The following IL1RAPL2 variants were observed in gnomAD, a reference collection of about 807,000 sequenced individuals.
IL1RAPL2 encodes X-linked interleukin-1 receptor accessory protein-like 2.
A neutral mutation model predicts 44.1 loss-of-function variants in IL1RAPL2; 3 were observed. That is an observed-to-expected ratio of 0.07 (90% CI 0.03 to 0.18). The LOEUF is 0.18. Among genes scored for constraint, IL1RAPL2 ranks in the 10% least tolerant of loss-of-function variants. IL1RAPL2 has a pLI of 1.00. For missense variants in IL1RAPL2, 391 were observed against 496.4 expected (o/e 0.79, Z 2.02); for synonymous variants, 181 against 178.8 (o/e 1.01, Z -0.10).
intron 5 of IL1RAPL2, among the ~76,000 whole-genome samples, chrX:105,457,360 A>G (rs984998874): frequency 1.3e-4 from 14 of 110,687 alleles, no homozygotes; most frequent in African/African-American, 4.6e-4. Flanking sequence ...CAAATTTTTA[A>G]CCATCTCCAA....
chrX:105,756,652 T>C (rs915842129), intron 10 of IL1RAPL2, among the ~76,000 whole-genome samples: 1 of 112,129 alleles, frequency 8.9e-6, no homozygotes, highest in Admixed American at 9.5e-5. Context: ...TCCACAAATG[T>C]AAGAATTCCC....
chrX:104,843,331 C>G (rs1327174847), intron 2 of IL1RAPL2, among the ~76,000 whole-genome samples: 1 of 111,875 alleles, frequency 8.9e-6, no homozygotes, highest in Non-Finnish European at 1.9e-5. Flanking sequence ...TGGTTCTTAG[C>G]TTGCTGGGCT....
At chrX:105,042,577 A>T (rs2031763928) in intron 2 of IL1RAPL2, among the ~76,000 whole-genome samples, 1 of 104,829 alleles carries the variant, frequency 9.5e-6, no homozygotes, top group South Asian at 4.6e-4. Context: ...GTCAGGAAAC[A>T]ACAGGTGCTG....
intron 6 of IL1RAPL2, among the ~76,000 whole-genome samples, chrX:105,580,037 A>T (rs190495351): frequency 8.9e-6 from 1 of 111,891 alleles, no homozygotes; most frequent in East Asian, 2.8e-4. Context: ...TGCTTTCACA[A>T]CTTCTTTATT....
At chrX:104,770,773 G>T (rs1190645368) in intron 2 of IL1RAPL2, among the ~76,000 whole-genome samples, 4 of 111,944 alleles carry the variant, frequency 3.6e-5, no homozygotes, top group African/African-American at 1.3e-4. Context: ...AGGTGTATAT[G>T]TGCAGGTTTG....
chrX:105,203,564 A>C (rs1301035353), intron 3 of IL1RAPL2, among the ~76,000 whole-genome samples: 2 of 111,958 alleles, frequency 1.8e-5, no homozygotes, highest in Admixed American at 9.5e-5. Context: ...GTTCCTCTCC[A>C]CTTATTCTCT....
At chrX:104,914,387 C>T (rs191976938) in intron 2 of IL1RAPL2, among the ~76,000 whole-genome samples, 19 of 111,167 alleles carry the variant, frequency 1.7e-4, no homozygotes, top group Admixed American at 1.6e-3. Flanking sequence ...AAAGGAAATG[C>T]TAAAAAAGGA....
intron 6 of IL1RAPL2, among the ~76,000 whole-genome samples, chrX:105,606,040 C>A (rs926079793): frequency 9.0e-6 from 1 of 111,022 alleles, no homozygotes; most frequent in African/African-American, 3.3e-5. Context: ...GGTCTGAGAA[C>A]AAAAGCAAAA....
chrX:104,723,207 G>A (rs1231295659), intron 2 of IL1RAPL2, among the ~76,000 whole-genome samples: 1 of 111,527 alleles, frequency 9.0e-6, no homozygotes, highest in African/African-American at 3.2e-5. Flanking sequence ...CTGCTAGATT[G>A]AGTCTTGCAA....
chrX:104,634,427 T>C (rs1040274188), intron 1 of IL1RAPL2, among the ~76,000 whole-genome samples: 2 of 111,687 alleles, frequency 1.8e-5, no homozygotes, highest in Admixed American at 9.5e-5. Context: ...TTGATCTGTC[T>C]AATGTTGACA....
intron 5 of IL1RAPL2, among the ~76,000 whole-genome samples, chrX:105,288,522 G>A (rs1022911575): frequency 2.7e-5 from 3 of 110,837 alleles, no homozygotes; most frequent in African/African-American, 9.8e-5. Context: ...TGGCTAGCCA[G>A]TTTTCTTTAA....
chrX:104,616,165 G>A (rs1929273781), intron 1 of IL1RAPL2, among the ~76,000 whole-genome samples: 1 of 112,244 alleles, frequency 8.9e-6, no homozygotes, highest in African/African-American at 3.2e-5. Context: ...TCTCCGCTCT[G>A]TATGTTCCCT....
chrX:105,153,309 T>G (rs1196149031), intron 2 of IL1RAPL2, among the ~76,000 whole-genome samples: 1 of 112,168 alleles, frequency 8.9e-6, no homozygotes, highest in Non-Finnish European at 1.9e-5. Flanking sequence ...TATATAAACT[T>G]AATTCTGACA....
chrX:104,783,130 A>G (rs1932782815), intron 2 of IL1RAPL2, among the ~76,000 whole-genome samples: 1 of 112,288 alleles, frequency 8.9e-6, no homozygotes, highest in South Asian at 3.7e-4. Context: ...GAATGTTAAC[A>G]TAGAAGCAGT....
intron 6 of IL1RAPL2, among the ~76,000 whole-genome samples, chrX:105,561,174 G>A (rs957565890): frequency 6.3e-5 from 7 of 110,920 alleles, no homozygotes; most frequent in Non-Finnish European, 1.1e-4. Context: ...ACAGTTTTGG[G>A]GTATTGCAGT....
At chrX:104,710,471 G>A (rs1188734159) in intron 2 of IL1RAPL2, among the ~76,000 whole-genome samples, 6 of 110,991 alleles carry the variant, frequency 5.4e-5, no homozygotes, top group Non-Finnish European at 1.1e-4. Context: ...GCTAAGGTGA[G>A]GCAGAGATGA....
intron 2 of IL1RAPL2, among the ~76,000 whole-genome samples, chrX:104,887,566 C>T (rs184188313): frequency 1.8e-5 from 2 of 111,153 alleles, no homozygotes; most frequent in African/African-American, 6.6e-5. Context: ...TACTAGGTGC[C>T]AAAGAAAGTT....
intron 2 of IL1RAPL2, among the ~76,000 whole-genome samples, chrX:105,075,653 C>G (rs2032285507): frequency 8.9e-6 from 1 of 112,048 alleles, no homozygotes; most frequent in Non-Finnish European, 1.9e-5. Flanking sequence ...TGGAATTCAG[C>G]TGTGAATCCA....
At chrX:105,233,559 A>G (rs782693633) in intron 3 of IL1RAPL2, among the ~76,000 whole-genome samples, 2 of 112,100 alleles carry the variant, frequency 1.8e-5, no homozygotes, top group East Asian at 2.8e-4. Context: ...AAGTCAGACT[A>G]TCTTACAGTT....
Sources: gnomAD v4.1 joint callset for allele counts (sites outside exome capture counted in the v4.1 genomes callset) on GRCh38, gnomAD v4.1.1 for gene constraint, MANE v1.5 for transcripts, NCBI Gene and HGNC (gene_info 2026-07-23, HGNC 2026-07-21) for gene names.